Variants in CMTM4 observed in about 807,000 individuals in gnomAD.
CMTM4 encodes CKLF like MARVEL transmembrane domain containing 4.
In CMTM4, 8 loss-of-function variants were observed where a neutral mutation model predicts 19.0. The ratio of observed to expected loss-of-function variants is 0.42; its 90% CI spans 0.25 to 0.76. CMTM4 has a LOEUF of 0.76. Ranked by LOEUF, CMTM4 falls within the 30% of genes least tolerant of loss-of-function variation. The pLI is 0.27. For synonymous variants in CMTM4, 106 were observed against 121.1 expected, an observed-to-expected ratio of 0.88 and a Z score of 0.82; for missense variants, 228 against 290.2, an observed-to-expected ratio of 0.79 and a Z score of 1.56.
At chr16:66,691,999 G>A (rs1469376783) in intron 1 of CMTM4, among the ~76,000 whole-genome samples, 1 of 152,034 alleles carries the variant, frequency 6.6e-6, no homozygotes, top group Non-Finnish European at 1.5e-5. Context: ...TTAATCCTTT[G>A]AGGGAGGTAT....
At chr16:66,658,104 C>T (rs1294386484) in intron 1 of CMTM4, among the ~76,000 whole-genome samples, 1 of 152,000 alleles carries the variant, frequency 6.6e-6, no homozygotes, top group African/African-American at 2.4e-5. Flanking sequence ...GTGATACATG[C>T]CTGTAGTCCC....
chr16:66,603,591 A>AT, the CMTM4 span, among the ~76,000 whole-genome samples: 1 of 152,080 alleles, frequency 6.6e-6, no homozygotes, highest in African/African-American at 2.4e-5. Context: ...CTGACCTTCT[A>AT]TTTTTTATTA....
At chr16:66,673,027 C>T (rs355933) in intron 1 of CMTM4, among the ~76,000 whole-genome samples, 2 of 142,868 alleles carry the variant, frequency 1.4e-5, no homozygotes, top group Non-Finnish European at 3.0e-5. Context: ...CTCCTGCCCC[C>T]GCCTCCCAAG....
intron 1 of CMTM4, among the ~76,000 whole-genome samples, chr16:66,681,333 T>C (rs1567431186): frequency 1.3e-5 from 2 of 152,198 alleles, no homozygotes; most frequent in African/African-American, 4.8e-5. Flanking sequence ...TTTTTCTTTT[T>C]TGAGACCGAG....
At position 66,696,401 on chromosome 16, in the gene CMTM4, C is replaced by A; in HGVS notation, c.125G>T (p.Gly42Val). 7.1e-7 allele frequency: 1 copy of A among 1,411,800 alleles called. No individual in the cohort carries two copies. Among genetic ancestry groups the A allele is most frequent in the Non-Finnish European group, 9.2e-7 (1 of 1,084,320 alleles). The allele number at this position is 1,411,800 out of a possible 1,614,324, so 87.5% of individuals were successfully genotyped here. Residue 42 changes from glycine (G) to valine (V), a missense_variant, in exon 1 of 4, where the codon GGC (glycine) becomes GTC (valine). Gly to Val is a moderately radical substitution (Grantham distance 109). Around this residue, in one of 3 missense-constraint regions of CMTM4, gnomAD observed 200 missense variants for 226.6 expected, o/e 0.88. Transcript: ENST00000394106. This position sits in a 1 kb window ranked among gnomAD's most constrained non-coding sequence, Gnocchi z 4.3. The part of the protein sequence containing the change: ...EPVSQRRGLA[G>V]LRCDPDYLRG... ...CAGGTAGTCGGGGTCGCAGCGCAGG[C>A]CGGCCAGCCCGCGGCGCTGGCTCAC...
chr16:66,611,773 G>A (rs1305067034), downstream of CMTM4, among the ~76,000 whole-genome samples: 6 of 152,120 alleles, frequency 3.9e-5, no homozygotes, highest in Admixed American at 2.0e-4. Context: ...AGGAACCCTC[G>A]AGGTACACCT....
At position 66,643,541 on chromosome 16, in the gene CMTM4, G is replaced by T. The variant is rs1001696257; in HGVS notation, c.187-6960C>A. ...TTCAGATCATCAAATGCATAAAATT[G>T]TAAGTACAGAATTCTATTGTCATCA... On this transcript the variant is annotated intron_variant, in intron 1 of 3. Transcript: ENST00000394106. Among the ~76,000 whole-genome samples, 9 of 152,180 alleles carry T rather than the reference G, an allele frequency of 5.9e-5. 1 individual carries two copies. In the South Asian group the frequency reaches 1.4e-3, roughly 24 times the overall value.
At position 66,618,971 on chromosome 16, in the gene CMTM4, T is replaced by C. The variant is rs939099467; in HGVS notation, c.*3087A>G. ...CTCACATTGCCAAGGAAGATGTGTA[T>C]TGGGGCTGTGCAGGCTGCCACATTC... On this transcript the variant is annotated 3_prime_UTR_variant, in exon 4 of 4. Transcript: ENST00000394106. 71 of 985,374 alleles carry C rather than the reference T, an allele frequency of 7.2e-5. No individual in the cohort carries two copies. Among genetic ancestry groups the C allele is most frequent in the Middle Eastern group, 5.2e-4 (1 of 1,936 alleles). The allele number at this position is 985,374 out of a possible 1,614,324, so 61.0% of individuals were successfully genotyped here.
intron 1 of CMTM4, among the ~76,000 whole-genome samples, chr16:66,644,488 T>G (rs1211339154): frequency 6.6e-6 from 1 of 152,252 alleles, no homozygotes; most frequent in Non-Finnish European, 1.5e-5. Flanking sequence ...ATTTGTAATT[T>G]ATTGTTTCCT....
intron 1 of CMTM4, among the ~76,000 whole-genome samples, chr16:66,670,251 A>G (rs2016678154): frequency 6.6e-6 from 1 of 150,638 alleles, no homozygotes; most frequent in Non-Finnish European, 1.5e-5. Context: ...GTTTGGGACC[A>G]GCCTGGCCAA....
Position 66,654,771 on chromosome 16 carries a change from G to C in CMTM4, c.187-18190C>G, listed in dbSNP as rs369260699. 5.3e-5 allele frequency among the ~76,000 whole-genome samples: 8 copies of C among 152,228 alleles called. No homozygotes were observed. In the East Asian group the frequency reaches 1.4e-3, roughly 26 times the overall value. ...TCTTTTATTTATTCAACTGTAAAATGAATTAAGGGGCAATTCTGATGCTAA... is the reference window on the plus strand; with the variant it reads ...TCTTTTATTTATTCAACTGTAAAATCAATTAAGGGGCAATTCTGATGCTAA... On this transcript the variant is annotated intron_variant, in intron 1 of 3. Coordinates refer to ENST00000394106, the MANE Select transcript of CMTM4 (RefSeq NM_181521.3).
intron 1 of CMTM4, among the ~76,000 whole-genome samples, chr16:66,667,724 C>G (rs2016625015): frequency 6.6e-6 from 1 of 152,092 alleles, no homozygotes; most frequent in Non-Finnish European, 1.5e-5. Context: ...CCCGTCTCTA[C>G]TAAAGATCCA....
chr16:66,605,065 T>C, the CMTM4 span: 1 of 969,284 alleles, frequency 1.0e-6, no homozygotes, highest in Non-Finnish European at 1.4e-6. This position sits in a 1 kb window ranked among gnomAD's most constrained non-coding sequence, Gnocchi z 4.6. Flanking sequence ...CGATACCCCC[T>C]CTCCGCGCCG....
chr16:66,687,655 C>G (rs2017058937), intron 1 of CMTM4, among the ~76,000 whole-genome samples: 1 of 150,680 alleles, frequency 6.6e-6, no homozygotes, highest in Non-Finnish European at 1.5e-5. Flanking sequence ...GTTCTGGTTG[C>G]TATAACCAAA....
chr16:66,617,579 A>T lies in CMTM4; in HGVS notation c.*4479T>A. The stretch of plus-strand genomic sequence containing the variant: ...ACAGATATTGACGGTATTTTCTCTC[A>T]CAGTTTCTAAATAAAAGAAACATAA... On this transcript the variant is annotated 3_prime_UTR_variant, in exon 4 of 4. Coordinates refer to ENST00000394106, the MANE Select transcript of CMTM4 (RefSeq NM_181521.3). 7.8e-7 allele frequency: 1 copy of T among 1,288,428 alleles called. No homozygotes were observed. The highest frequency in any genetic ancestry group is 9.8e-7 in the Non-Finnish European group (1 of 1,015,944). The allele number at this position is 1,288,428 out of a possible 1,614,324, so 79.8% of individuals were successfully genotyped here.
the CMTM4 span, among the ~76,000 whole-genome samples, chr16:66,608,081 A>C: frequency 0.015 from 2,359 of 152,250 alleles, 30 homozygotes; most frequent in Non-Finnish European, 0.019. This position sits in a 1 kb window ranked among gnomAD's most constrained non-coding sequence, Gnocchi z 5.1. Flanking sequence ...TCTGGGCTCA[A>C]GCAATCCACC....
At position 66,617,783 on chromosome 16, in the gene CMTM4, C is replaced by T. The variant is rs1259930543; in HGVS notation, c.*4275G>A. On this transcript the variant is annotated 3_prime_UTR_variant, in exon 4 of 4. Transcript: ENST00000394106. ...ATGGCAGCCAAGCCAGCTTCAGAGT[C>T]ACCTGCTGGACCCACATGTTCCTGA... is the stretch of plus-strand genomic sequence containing the variant. 4 of 1,003,146 alleles carry T rather than the reference C, an allele frequency of 4.0e-6. No homozygotes were observed. The highest frequency in any genetic ancestry group is 3.6e-6 in the Non-Finnish European group (3 of 841,626). The allele number at this position is 1,003,146 out of a possible 1,614,324, so 62.1% of individuals were successfully genotyped here.
downstream of CMTM4, among the ~76,000 whole-genome samples, chr16:66,610,229 G>A (rs2015326128): frequency 6.6e-6 from 1 of 152,164 alleles, no homozygotes; most frequent in South Asian, 2.1e-4. This position sits in a 1 kb window ranked among gnomAD's most constrained non-coding sequence, Gnocchi z 4.6. Context: ...CAAGCAGTGG[G>A]CATGGCTGAG....
chr16:66,609,160 G>C, the CMTM4 span, among the ~76,000 whole-genome samples: 1 of 151,774 alleles, frequency 6.6e-6, no homozygotes, highest in Non-Finnish European at 1.5e-5. The surrounding 1 kb of genome is among the most constrained non-coding windows in gnomAD (Gnocchi z 4.4). Context: ...CCACCGCATC[G>C]CAGGGCAGGC....
Sources: gnomAD v4.1 joint callset for allele counts (sites outside exome capture counted in the v4.1 genomes callset) on GRCh38, gnomAD v4.1.1 for gene constraint, gnomAD v4.1.1 regional missense constraint, Gnocchi (gnomAD v3.1) non-coding constraint, MANE v1.5 for transcripts, NCBI Gene and HGNC (gene_info 2026-07-23, HGNC 2026-07-21) for gene names.